Variants in TUSC3 observed in about 807,000 individuals in gnomAD.
The protein encoded by TUSC3 is tumor suppressor candidate 3.
In TUSC3, 45 loss-of-function variants were observed where a neutral mutation model predicts 44.8. That is an observed-to-expected ratio of 1.00 (90% confidence interval 0.79 to 1.29). TUSC3 has a LOEUF of 1.29. Among genes scored for constraint, TUSC3 ranks in the 50% most tolerant of loss-of-function variants. The pLI, the probability that TUSC3 is intolerant of heterozygous loss-of-function variation, is 0.00. For synonymous variants in TUSC3, 212 were observed against 152.9 expected (o/e 1.39, Z -2.85); for missense variants, 519 against 437.9 (o/e 1.19, Z -1.65).
chr8:15,642,468 A>G (rs971268628), intron 2 of TUSC3, among the ~76,000 whole-genome samples: 13 of 152,232 alleles, frequency 8.5e-5, no homozygotes, highest in Admixed American at 2.6e-4. Context: ...TGTGACGGCA[A>G]TACTATCAGT....
the TUSC3 span, among the ~76,000 whole-genome samples, chr8:15,778,411 C>A: frequency 2.6e-5 from 4 of 152,250 alleles, no homozygotes; most frequent in East Asian, 5.8e-4. Context: ...ATTGACTAAT[C>A]AGCATCTGCT....
At chr8:15,776,389 GAGA>G in the TUSC3 span, among the ~76,000 whole-genome samples, 2 of 152,028 alleles carry the variant, frequency 1.3e-5, no homozygotes, top group Non-Finnish European at 2.9e-5. Flanking sequence ...CATCTTGGGA[GAGA>G]AGGCTATTGC....
intron 3 of TUSC3, among the ~76,000 whole-genome samples, chr8:15,651,542 C>G (rs1300863899): frequency 6.6e-6 from 1 of 152,122 alleles, no homozygotes; most frequent in East Asian, 1.9e-4. Flanking sequence ...GGACTGATGT[C>G]CATATAAGAC....
chr8:15,758,114 C>G (rs899077413), intron 10 of TUSC3: 1 of 1,211,250 alleles, frequency 8.3e-7, no homozygotes, highest in African/African-American at 1.5e-5. Context: ...CCACCCCCAA[C>G]AAATATACTT....
chr8:15,485,552 G>A lies in TUSC3; in HGVS notation n.189+2069G>A, dbSNP rs1431578662. 3.3e-5 allele frequency among the ~76,000 whole-genome samples: 5 copies of A among 149,636 alleles called. No individual in the cohort carries two copies. The East Asian group carries it at 8.0e-4, about 24-fold the overall frequency. ...TGCATTCTCTGCTCCTCCTCATTGG[G>A]CCTACAAACACGAGCTAAACAAAGA... On this transcript the variant is annotated intron_variant and non_coding_transcript_variant, in intron 2 of 5. Coordinates refer to the TUSC3 transcript ENST00000503191.
chr8:15,840,188 G>A, the TUSC3 span, among the ~76,000 whole-genome samples: 2 of 152,000 alleles, frequency 1.3e-5, no homozygotes, highest in Admixed American at 1.3e-4. Context: ...GAGAACACTT[G>A]GACACAGGAA....
intron 1 of TUSC3, among the ~76,000 whole-genome samples, chr8:15,462,700 C>T (rs967124729): frequency 6.6e-6 from 1 of 152,036 alleles, no homozygotes; most frequent in Non-Finnish European, 1.5e-5. Context: ...CTATTATACT[C>T]CTATGTGGTG....
At chr8:15,739,811 G>C (rs911667262) in intron 7 of TUSC3, among the ~76,000 whole-genome samples, 6 of 152,124 alleles carry the variant, frequency 3.9e-5, no homozygotes, top group African/African-American at 1.4e-4. Flanking sequence ...ATCTAATCCT[G>C]ATATCATCTT....
At chr8:15,459,888 A>G (rs989628989) in intron 1 of TUSC3, among the ~76,000 whole-genome samples, 12 of 151,866 alleles carry the variant, frequency 7.9e-5, no homozygotes, top group African/African-American at 2.2e-4. Flanking sequence ...ACATACATAC[A>G]TACATACATA....
intron 1 of TUSC3, among the ~76,000 whole-genome samples, chr8:15,594,136 C>G (rs111591217): frequency 6.6e-6 from 1 of 152,096 alleles, no homozygotes; most frequent in Non-Finnish European, 1.5e-5. Flanking sequence ...TCCCATAGTT[C>G]GCTGCAATTT....
chr8:15,689,250 G>T, intron 6 of TUSC3: 2 of 353,822 alleles, frequency 5.7e-6, no homozygotes, highest in South Asian at 2.5e-5. Context: ...AGGCTGGATG[G>T]GAATCGATCC....
At chr8:15,841,986 T>C in the TUSC3 span, among the ~76,000 whole-genome samples, 5 of 152,352 alleles carry the variant, frequency 3.3e-5, no homozygotes, top group African/African-American at 9.6e-5. Flanking sequence ...GAAGACTACA[T>C]GGTTGAATTA....
At chr8:15,792,086 G>C in the TUSC3 span, among the ~76,000 whole-genome samples, 1 of 150,966 alleles carries the variant, frequency 6.6e-6, no homozygotes, top group Non-Finnish European at 1.5e-5. Context: ...TTTGTATTTG[G>C]AAAACAAATG....
the TUSC3 span, among the ~76,000 whole-genome samples, chr8:15,796,027 C>T: frequency 6.6e-6 from 1 of 152,036 alleles, no homozygotes; most frequent in Non-Finnish European, 1.5e-5. Flanking sequence ...TGTGCCATAC[C>T]CCAAACAATG....
intron 1 of TUSC3, among the ~76,000 whole-genome samples, chr8:15,456,728 A>G (rs759023994): frequency 3.3e-5 from 5 of 152,184 alleles, no homozygotes; most frequent in African/African-American, 4.8e-5. Flanking sequence ...ATCCCACCAC[A>G]TTAAAAATAA....
intron 1 of TUSC3, among the ~76,000 whole-genome samples, chr8:15,457,165 T>C (rs1350523546): frequency 5.1e-5 from 3 of 58,744 alleles, no homozygotes; most frequent in East Asian, 1.1e-3. Flanking sequence ...TGGGGCCTGT[T>C]GTGAGGTGGG....
chr8:15,493,090 C>A (rs765965934), intron 2 of TUSC3, among the ~76,000 whole-genome samples: 1 of 151,602 alleles, frequency 6.6e-6, no homozygotes, highest in Admixed American at 6.6e-5. Context: ...CTTTAATACA[C>A]AAAAAAAATC....
rs534344977 is a variant in TUSC3, at chr8:15,417,800, G to T, written n.91+495G>T. Among the ~76,000 whole-genome samples, 63 of 152,220 alleles carry T rather than the reference G, an allele frequency of 4.1e-4. 1 individual carries two copies. The highest frequency in any genetic ancestry group is 1.2e-3 in the South Asian group (6 of 4,822). ...ACAGTTAATGTTCCTGATTGGCGTTGGCTTATGGTTAAGCTGTTGTGCTGT... is the reference window on the plus strand; with the variant it reads ...ACAGTTAATGTTCCTGATTGGCGTTTGCTTATGGTTAAGCTGTTGTGCTGT... On this transcript the variant is annotated intron_variant and non_coding_transcript_variant, in intron 1 of 5. Coordinates refer to the TUSC3 transcript ENST00000503191.
intron 1 of TUSC3, among the ~76,000 whole-genome samples, chr8:15,615,493 G>A (rs567093029): frequency 1.3e-5 from 2 of 152,282 alleles, no homozygotes; most frequent in South Asian, 4.1e-4. Context: ...GGGAGGATAG[G>A]AAGAGGTTAT....
Sources: allele counts gnomAD v4.1 joint callset (sites outside exome capture counted in the v4.1 genomes callset), GRCh38; gene constraint gnomAD v4.1.1; transcripts MANE v1.5; gene names NCBI Gene and HGNC (gene_info 2026-07-23, HGNC 2026-07-21).